The following BCL2 variants were observed in gnomAD, a reference collection of about 807,000 sequenced individuals.
BCL2 encodes BCL2 apoptosis regulator.
In BCL2, 1 loss-of-function variant was observed where a neutral mutation model predicts 14.2. That is an observed-to-expected ratio of 0.07 (90% CI 0.02 to 0.33). BCL2 has a LOEUF of 0.33. Among genes scored for constraint, BCL2 ranks in the 10% least tolerant of loss-of-function variants. The pLI is 0.99. For synonymous variants in BCL2, 151 were observed against 137.2 expected (o/e 1.10, Z -0.70); for missense variants, 247 against 305.9 (o/e 0.81, Z 1.44).
At chr18:63,240,770 G>C (rs953989602) in intron 2 of BCL2, among the ~76,000 whole-genome samples, 3 of 152,280 alleles carry the variant, frequency 2.0e-5, no homozygotes, top group Non-Finnish European at 4.4e-5. Context: ...CATTCTGCCT[G>C]GTCAGAGGTA....
At chr18:63,142,513 T>G (rs1914392184) in intron 2 of BCL2, among the ~76,000 whole-genome samples, 1 of 152,232 alleles carries the variant, frequency 6.6e-6, no homozygotes, top group South Asian at 2.1e-4. Flanking sequence ...TGGCTGAAAC[T>G]TCACAGCCTG....
At chr18:63,180,057 A>G (rs946447348) in intron 2 of BCL2, among the ~76,000 whole-genome samples, 1 of 152,228 alleles carries the variant, frequency 6.6e-6, no homozygotes, top group Non-Finnish European at 1.5e-5. Context: ...TACGCAATCT[A>G]TCAATTAAGC....
chr18:63,180,671 T>A (rs575571965), intron 2 of BCL2, among the ~76,000 whole-genome samples: 1 of 152,184 alleles, frequency 6.6e-6, no homozygotes, highest in Non-Finnish European at 1.5e-5. Flanking sequence ...TGAAGCTGCA[T>A]TGTAGGATAG....
chr18:63,220,225 G>C (rs975118008), intron 2 of BCL2, among the ~76,000 whole-genome samples: 1 of 152,202 alleles, frequency 6.6e-6, no homozygotes, highest in Admixed American at 6.5e-5. Flanking sequence ...GAGCAGCTGT[G>C]CAAATAGTTC....
intron 2 of BCL2, among the ~76,000 whole-genome samples, chr18:63,305,788 A>G (rs562361438): frequency 5.3e-5 from 8 of 152,336 alleles, no homozygotes; most frequent in African/African-American, 1.9e-4. Context: ...ATATTTGTAT[A>G]AGGTCAGGTG....
chr18:63,176,471 T>C (rs1354639076), intron 2 of BCL2, among the ~76,000 whole-genome samples: 1 of 152,216 alleles, frequency 6.6e-6, no homozygotes, highest in Non-Finnish European at 1.5e-5. Context: ...TGCTTGTTGA[T>C]TGAATGAGTG....
chr18:63,303,626 T>C (rs1039663654), intron 2 of BCL2, among the ~76,000 whole-genome samples: 3 of 152,190 alleles, frequency 2.0e-5, no homozygotes, highest in Admixed American at 6.5e-5. Flanking sequence ...GCAAAGTCAA[T>C]TGACTTTGCA....
chr18:63,247,102 AG>A (rs1476794655), intron 2 of BCL2, among the ~76,000 whole-genome samples: 11 of 152,346 alleles, frequency 7.2e-5, no homozygotes, highest in African/African-American at 2.6e-4. Context: ...GGCTAGAAAG[AG>A]ATCAGTAGGC....
rs1457173060 is a variant in BCL2, at chr18:63,177,804, C to G, written c.586-49045G>C. Among the ~76,000 whole-genome samples, 3 of 152,158 alleles carry G rather than the reference C, an allele frequency of 2.0e-5. No homozygotes were observed. In the East Asian group the frequency reaches 5.8e-4, roughly 29 times the overall value. Reference sequence around the variant, plus strand: ...GGGGTAGGACCCTGCCTGAAGCTTCCAAGCTGACTCTGTTTGCAGTCACTT... The same window carrying G: ...GGGGTAGGACCCTGCCTGAAGCTTCGAAGCTGACTCTGTTTGCAGTCACTT... On this transcript the variant is annotated intron_variant, in intron 2 of 2. Transcript: ENST00000333681.
intron 2 of BCL2, among the ~76,000 whole-genome samples, chr18:63,285,489 G>A (rs1447654270): frequency 6.6e-6 from 1 of 152,224 alleles, no homozygotes; most frequent in Non-Finnish European, 1.5e-5. Context: ...GCTAGGTAAG[G>A]AGTCAGCTGC....
chr18:63,160,795 C>T (rs1296948419), intron 2 of BCL2, among the ~76,000 whole-genome samples: 2 of 152,006 alleles, frequency 1.3e-5, no homozygotes, highest in Non-Finnish European at 2.9e-5. Flanking sequence ...AAAGCCACAT[C>T]GCTTCCTTTG....
chr18:63,182,285 T>C (rs753108898), intron 2 of BCL2, among the ~76,000 whole-genome samples: 10 of 152,204 alleles, frequency 6.6e-5, no homozygotes, highest in Non-Finnish European at 1.2e-4. Context: ...AGCCACAGCC[T>C]GCACAATCAG....
rs1217760237 is a variant in BCL2, at chr18:63,263,733, T to C, written c.585+54349A>G. 2.6e-5 allele frequency among the ~76,000 whole-genome samples: 4 copies of C among 152,302 alleles called. No individual in the cohort carries two copies. In the East Asian group the frequency reaches 7.7e-4, roughly 29 times the overall value. Reference sequence around the variant, plus strand: ...CAGGTCCCCTGGATCTAATCTTGGCTCCACTGTACAATGGGATCAATGTCA... The same window carrying C: ...CAGGTCCCCTGGATCTAATCTTGGCCCCACTGTACAATGGGATCAATGTCA... On this transcript the variant is annotated intron_variant, in intron 2 of 2. Transcript: ENST00000333681.
At chr18:63,238,970 G>T (rs1205434309) in intron 2 of BCL2, among the ~76,000 whole-genome samples, 1 of 152,234 alleles carries the variant, frequency 6.6e-6, no homozygotes, top group Non-Finnish European at 1.5e-5. Flanking sequence ...AGAGCTGTGG[G>T]ATGGCTAACT....
In BCL2 at chr18:63,318,468, C is replaced by G; in HGVS notation, c.199G>C (p.Ala67Pro). 1 of 1,474,776 alleles carries G rather than the reference C, an allele frequency of 6.8e-7. No individual in the cohort carries two copies. Among genetic ancestry groups the G allele is most frequent in the Non-Finnish European group, 8.9e-7 (1 of 1,124,024 alleles). 91.4% of individuals were successfully genotyped at this position (1,474,776 alleles called of 1,614,324 possible). A position where few individuals can be genotyped will look rare whatever the true frequency, so the allele number is the denominator to read the frequency against. ...PHPAASRDPV[A>P]RTSPLQTPAA... The stretch of plus-strand genomic sequence containing the variant: ...GGGGTCTGCAGCGGCGAGGTCCTGG[C>G]GACCGGGTCCCGGGATGCGGCTGGA... The change falls in exon 2 of 3, where the codon GCC becomes CCC. Residue 67 changes from alanine to proline, a missense_variant. By Grantham distance (27) the Ala-to-Pro change is conservative. Around this residue, in one of 3 missense-constraint regions of BCL2, gnomAD observed 144 missense variants for 135.3 expected, o/e 1.06. Transcript: ENST00000333681. The surrounding 1 kb of genome is among the most constrained non-coding windows in gnomAD (Gnocchi z 7.4).
Position 63,127,039 on chromosome 18 carries a change from T to G in BCL2, c.*1586A>C, listed in dbSNP as rs924756874. On this transcript the variant is annotated 3_prime_UTR_variant, in exon 3 of 3. Transcript: ENST00000333681. ...TTTATAGTTCCCCACCATTGATTTT[T>G]TTTTTAATGCCCCAGGATGTACAGA... The G allele has an allele frequency of 8.8e-6, 2 of 228,254 alleles. No individual in the cohort carries two copies. Among genetic ancestry groups the G allele is most frequent in the Admixed American group, 5.7e-5 (1 of 17,620 alleles). The allele number at this position is 228,254 out of a possible 1,614,324, so 14.1% of individuals were successfully genotyped here.
chr18:63,287,501 CG>C (rs1568258849), intron 2 of BCL2, among the ~76,000 whole-genome samples: 1 of 151,944 alleles, frequency 6.6e-6, no homozygotes, highest in East Asian at 1.9e-4. Flanking sequence ...TAGGGGGTGG[CG>C]GGCAGTTTGA....
intron 2 of BCL2, among the ~76,000 whole-genome samples, chr18:63,156,416 G>C (rs755350692): frequency 6.6e-6 from 1 of 152,158 alleles, no homozygotes; most frequent in Non-Finnish European, 1.5e-5. Context: ...CTCTGCCCAC[G>C]ACATGCCAGC....
chr18:63,266,658 A>ACACACAC (rs1911840350), intron 2 of BCL2, among the ~76,000 whole-genome samples: 7 of 145,624 alleles, frequency 4.8e-5, no homozygotes, highest in South Asian at 4.3e-4. Flanking sequence ...CACACACACA[A>ACACACAC]AAATATATAT....
Sources: gnomAD v4.1 joint callset for allele counts (sites outside exome capture counted in the v4.1 genomes callset) on GRCh38, gnomAD v4.1.1 for gene constraint, gnomAD v4.1.1 regional missense constraint, Gnocchi (gnomAD v3.1) non-coding constraint, MANE v1.5 for transcripts, NCBI Gene and HGNC (gene_info 2026-07-23, HGNC 2026-07-21) for gene names.